Variants in CADPS observed in about 807,000 individuals in gnomAD.
CADPS encodes calcium dependent secretion activator.
CADPS carries 57 observed loss-of-function variants against 167.3 expected under a neutral mutation model. That is an observed-to-expected ratio of 0.34 (90% CI 0.28 to 0.42). The LOEUF (loss-of-function observed/expected upper bound fraction) is 0.42. CADPS is among the 20% of genes least tolerant of loss of function. The probability of loss-of-function intolerance (pLI) is 1.00; values close to 1 mark genes in which losing one functional copy is unlikely to be tolerated. For missense variants in CADPS, 1,414 were observed against 1,738.1 expected (o/e 0.81, Z 3.32); for synonymous variants, 676 against 635.3 (o/e 1.06, Z -0.96).
intron 1 of CADPS, among the ~76,000 whole-genome samples, chr3:62,825,712 C>A (rs1559801528): frequency 6.6e-6 from 1 of 152,196 alleles, no homozygotes; most frequent in South Asian, 2.1e-4. Context: ...CCTTTCATAT[C>A]ATCACTGCTG....
Position 62,753,715 on chromosome 3 carries a change from T to G in CADPS, c.614A>C (p.Asn205Thr). The G allele has an allele frequency of 1.2e-6, 2 of 1,614,140 alleles. No homozygotes were observed. Among genetic ancestry groups the G allele is most frequent in the Non-Finnish European group, 1.7e-6 (2 of 1,180,026 alleles). Residue 205 changes from asparagine (N) to threonine (T), a missense_variant, in exon 3 of 30, where the codon AAC (asparagine) becomes ACC (threonine). This residue lies in a region of CADPS where 522 missense variants were observed against 559.5 expected (regional missense o/e 0.93). Coordinates refer to ENST00000383710, the MANE Select transcript of CADPS (RefSeq NM_003716.4). The surrounding 1 kb of genome is among the most constrained non-coding windows in gnomAD (Gnocchi z 4.6). ...RMVQSGGCSANDSREVFKKHI... is the reference protein window; with the variant it reads ...RMVQSGGCSATDSREVFKKHI... ...CTTCTTGAAGACCTCCCGGGAGTCG[T>G]TGGCGGAACAGCCTCCACTCTGAAC...
chr3:62,853,032 C>T (rs1423149516), intron 1 of CADPS, among the ~76,000 whole-genome samples: 2 of 152,116 alleles, frequency 1.3e-5, no homozygotes, highest in African/African-American at 2.4e-5. Context: ...GAGCTACAGC[C>T]CCTAGAAAGC....
intron 24 of CADPS, chr3:62,470,720 G>A (rs1042848601): frequency 4.7e-4 from 72 of 152,078 alleles, no homozygotes; most frequent in African/African-American, 1.6e-3. Context: ...AAAATGTCAC[G>A]AAAGATCTCT....
intron 27 of CADPS, chr3:62,440,475 C>T (rs1181283790): frequency 6.9e-6 from 1 of 144,384 alleles, no homozygotes; most frequent in East Asian, 2.1e-4. Flanking sequence ...TATTGTAATA[C>T]AAACATGAAT....
Position 62,513,063 on chromosome 3 carries a change from T to C in CADPS, c.2582-295A>G, listed in dbSNP as rs17066479. ...CAAGTGACAATTAAGTCATATGTTC[T>C]AGGCAAAGTTTAGAGGACAAGGACA... On this transcript the variant is annotated intron_variant, in intron 16 of 29. Coordinates refer to ENST00000383710, the MANE Select transcript of CADPS (RefSeq NM_003716.4). Among the ~76,000 whole-genome samples, 856 of 152,236 alleles carry C rather than the reference T, an allele frequency of 5.6e-3. 5 individuals carry two copies. Among genetic ancestry groups the C allele is most frequent in the African/African-American group, 0.019 (776 of 41,540 alleles).
intron 3 of CADPS, among the ~76,000 whole-genome samples, chr3:62,685,796 G>A (rs1188148671): frequency 2.6e-5 from 4 of 152,028 alleles, no homozygotes; most frequent in Non-Finnish European, 4.4e-5. Flanking sequence ...CCTCGCATGT[G>A]CGGTTCACAG....
At chr3:62,585,822 G>C (rs781365947) in intron 7 of CADPS, among the ~76,000 whole-genome samples, 2 of 152,226 alleles carry the variant, frequency 1.3e-5, no homozygotes, top group Non-Finnish European at 2.9e-5. Context: ...CTCAGGGAAG[G>C]AAAGGGACTT....
intron 1 of CADPS, among the ~76,000 whole-genome samples, chr3:62,826,719 T>C (rs2074111839): frequency 3.9e-5 from 6 of 152,116 alleles, no homozygotes; most frequent in African/African-American, 1.4e-4. Flanking sequence ...CATAACGCTC[T>C]TACAGTTTAA....
chr3:62,599,727 A>AATATATATAATATAATATATATATT (rs1562707868), intron 6 of CADPS, among the ~76,000 whole-genome samples: 1 of 8,388 alleles, frequency 1.2e-4, no homozygotes, highest in Non-Finnish European at 2.2e-4. Context: ...TAATATATAT[A>AATATATATAATATAATATATATATT]GTATATATAA....
At chr3:62,448,557 T>C (rs2057555385) in intron 26 of CADPS, among the ~76,000 whole-genome samples, 1 of 151,996 alleles carries the variant, frequency 6.6e-6, no homozygotes, top group Admixed American at 6.6e-5. Flanking sequence ...CCAGGGTAAA[T>C]TGTGGTCTAT....
intron 3 of CADPS, among the ~76,000 whole-genome samples, chr3:62,685,765 A>C (rs1245313630): frequency 6.6e-6 from 1 of 152,016 alleles, no homozygotes; most frequent in Admixed American, 6.6e-5. Context: ...AGATTCTCAT[A>C]AGGAACACAC....
At chr3:62,508,410 A>G (rs1397051868) in intron 17 of CADPS, among the ~76,000 whole-genome samples, 1 of 152,206 alleles carries the variant, frequency 6.6e-6, no homozygotes, top group Non-Finnish European at 1.5e-5. Flanking sequence ...GTAGAAGTTG[A>G]AAATGGGGAC....
chr3:62,780,405 C>G (rs1047685646), intron 1 of CADPS, among the ~76,000 whole-genome samples: 9 of 151,712 alleles, frequency 5.9e-5, no homozygotes, highest in African/African-American at 2.2e-4. Flanking sequence ...GTGACAGAGA[C>G]ACATTTCAAA....
chr3:62,828,747 G>A (rs962552915), intron 1 of CADPS, among the ~76,000 whole-genome samples: 7 of 152,050 alleles, frequency 4.6e-5, no homozygotes, highest in African/African-American at 1.2e-4. Flanking sequence ...AATTATCTTC[G>A]ACTTATTCTG....
intron 17 of CADPS, among the ~76,000 whole-genome samples, chr3:62,505,513 C>T (rs1197100830): frequency 1.3e-5 from 2 of 152,150 alleles, no homozygotes; most frequent in Non-Finnish European, 2.9e-5. Flanking sequence ...TCATCATTTC[C>T]ACCTCAACTG....
intron 3 of CADPS, among the ~76,000 whole-genome samples, chr3:62,681,544 C>G (rs1178065510): frequency 6.6e-6 from 1 of 152,024 alleles, no homozygotes; most frequent in African/African-American, 2.4e-5. Context: ...TTATTATTTG[C>G]GTACACATCT....
intron 4 of CADPS, among the ~76,000 whole-genome samples, chr3:62,655,171 TG>T (rs951491957): frequency 6.6e-6 from 1 of 152,216 alleles, no homozygotes; most frequent in Non-Finnish European, 1.5e-5. Flanking sequence ...GACATTTTTC[TG>T]GTGCAAGGAC....
intron 10 of CADPS, among the ~76,000 whole-genome samples, chr3:62,553,922 G>A (rs1389133229): frequency 6.6e-6 from 1 of 152,190 alleles, no homozygotes; most frequent in Non-Finnish European, 1.5e-5. Flanking sequence ...GAGGGGCACA[G>A]TCCCACAATT....
Position 62,420,635 on chromosome 3 carries a change from G to A in CADPS, c.3778-17450C>T, listed in dbSNP as rs115306296. Among the ~76,000 whole-genome samples, 2,998 of 152,294 alleles carry A rather than the reference G, an allele frequency of 0.02. 44 individuals carry two copies. The highest frequency in any genetic ancestry group is 0.028 in the Non-Finnish European group (1,890 of 68,030). ...CCATAGCAACTGCCCAATTAAGGGA[G>A]TCTAGAAAACAGGTTCTGATGCCTG... On this transcript the variant is annotated intron_variant, in intron 28 of 29. Transcript: ENST00000383710. The surrounding 1 kb of genome is among the most constrained non-coding windows in gnomAD (Gnocchi z 4.1).
Sources: allele counts gnomAD v4.1 joint callset (sites outside exome capture counted in the v4.1 genomes callset), GRCh38; gene constraint gnomAD v4.1.1; regional missense constraint gnomAD v4.1.1; non-coding constraint Gnocchi (gnomAD v3.1); transcripts MANE v1.5; gene names NCBI Gene and HGNC (gene_info 2026-07-23, HGNC 2026-07-21).